The following MAOA variants were observed in gnomAD, a reference collection of about 807,000 sequenced individuals.
The protein encoded by MAOA is amine oxidase [flavin-containing] A.
MAOA carries 6 observed loss-of-function variants against 42.0 expected under a neutral mutation model. The observed-to-expected ratio is 0.14, with a 90% CI of 0.08 to 0.28. MAOA has a LOEUF of 0.28. MAOA is among the 10% of genes least tolerant of loss of function. MAOA has a pLI of 1.00. For missense variants in MAOA, 262 were observed against 422.3 expected, an observed-to-expected ratio of 0.62 and a Z score of 3.33; for synonymous variants, 140 against 154.0, an observed-to-expected ratio of 0.91 and a Z score of 0.67.
Position 43,744,348 on chromosome X carries a change from TCTGTGTTC to T in MAOA, c.1438-16_1438-9del. 1 of 1,210,770 alleles carries T rather than the reference TCTGTGTTC, an allele frequency of 8.3e-7. No individual in the cohort carries two copies. The highest frequency in any genetic ancestry group is 1.1e-6 in the Non-Finnish European group (1 of 894,705). ...GTCAGCATGAGTTTTTTGCTCATGA[TCTGTGTTC>T]CTTCATCTAGGACGTTCCAGCGGTA... On this transcript the variant is annotated splice_polypyrimidine_tract_variant and intron_variant, in intron 14 of 14. Coordinates refer to ENST00000338702, the MANE Select transcript of MAOA (RefSeq NM_000240.4).
intron 1 of MAOA, among the ~76,000 whole-genome samples, chrX:43,682,410 G>A (rs1379831210): frequency 9.0e-6 from 1 of 111,680 alleles, no homozygotes; most frequent in African/African-American, 3.3e-5. Flanking sequence ...CAAAATGATA[G>A]GGGCATGTCA....
chrX:43,686,381 G>T (rs2033487357), intron 2 of MAOA, among the ~76,000 whole-genome samples: 1 of 112,262 alleles, frequency 8.9e-6, no homozygotes, highest in Non-Finnish European at 1.9e-5. Flanking sequence ...AACTGTTATT[G>T]TCTATTCAGC....
At chrX:43,667,433 G>A (rs1168179784) in intron 1 of MAOA, among the ~76,000 whole-genome samples, 1 of 111,195 alleles carries the variant, frequency 9.0e-6, no homozygotes, top group African/African-American at 3.3e-5. Context: ...TTATTTGATG[G>A]GTGAATAGAT....
intron 10 of MAOA, among the ~76,000 whole-genome samples, chrX:43,737,568 G>A (rs2033929033): frequency 9.0e-6 from 1 of 111,530 alleles, no homozygotes; most frequent in Non-Finnish European, 1.9e-5. Flanking sequence ...AAAAAGTGAT[G>A]AAGGTGGTAT....
chrX:43,671,795 G>T (rs1311073218), intron 1 of MAOA, among the ~76,000 whole-genome samples: 1 of 100,021 alleles, frequency 1.0e-5, no homozygotes, highest in African/African-American at 3.7e-5. Context: ...CTGTTCCATT[G>T]ATCTATATCT....
intron 5 of MAOA, among the ~76,000 whole-genome samples, chrX:43,727,897 G>A (rs1019571844): frequency 5.4e-5 from 6 of 112,043 alleles, no homozygotes; most frequent in South Asian, 3.7e-4. Context: ...CACCTTCTGC[G>A]CGGATCTCAC....
At chrX:43,663,161 C>T (rs147870504) in intron 1 of MAOA, among the ~76,000 whole-genome samples, 2 of 111,151 alleles carry the variant, frequency 1.8e-5, no homozygotes, top group African/African-American at 6.5e-5. Flanking sequence ...CCCTCCTCAA[C>T]GTTTTTTTCT....
At chrX:43,669,040 G>A (rs1248815033) in intron 1 of MAOA, among the ~76,000 whole-genome samples, 1 of 110,742 alleles carries the variant, frequency 9.0e-6, no homozygotes, top group African/African-American at 3.3e-5. Context: ...TTGTTGAGTT[G>A]ATGTTGCTCT....
intron 1 of MAOA, among the ~76,000 whole-genome samples, chrX:43,664,489 G>A (rs1425197113): frequency 9.0e-6 from 1 of 111,444 alleles, no homozygotes; most frequent in Non-Finnish European, 1.9e-5. Flanking sequence ...ACAGAGGAGG[G>A]AGGAGTTAAT....
intron 1 of MAOA, among the ~76,000 whole-genome samples, chrX:43,675,828 T>G (rs1205653927): frequency 2.2e-4 from 24 of 111,543 alleles, no homozygotes; most frequent in Non-Finnish European, 3.8e-4. Flanking sequence ...GTACCCGGCC[T>G]TGTGAGGTGT....
At chrX:43,735,071 T>G (rs2033910091) in intron 9 of MAOA, among the ~76,000 whole-genome samples, 2 of 111,908 alleles carry the variant, frequency 1.8e-5, no homozygotes, top group Non-Finnish European at 1.9e-5. Context: ...TCCTAAATAG[T>G]CCACAGCTTT....
At chrX:43,682,721 A>C (rs910751919) in intron 1 of MAOA, among the ~76,000 whole-genome samples, 1 of 111,587 alleles carries the variant, frequency 9.0e-6, no homozygotes, top group African/African-American at 3.3e-5. Flanking sequence ...TTAAGATGGG[A>C]AAAAGAATAA....
intron 1 of MAOA, among the ~76,000 whole-genome samples, chrX:43,665,614 A>G (rs953553430): frequency 8.9e-6 from 1 of 111,842 alleles, no homozygotes; most frequent in African/African-American, 3.2e-5. Context: ...TAATCAAATA[A>G]ATTAGGACTG....
intron 3 of MAOA, among the ~76,000 whole-genome samples, chrX:43,707,332 T>C (rs1381580638): frequency 1.8e-5 from 2 of 111,264 alleles, no homozygotes; most frequent in African/African-American, 3.3e-5. Flanking sequence ...TAAAAGGAGC[T>C]CATTGGTGAC....
At chrX:43,727,870 G>A (rs2033852030) in intron 5 of MAOA, among the ~76,000 whole-genome samples, 1 of 111,925 alleles carries the variant, frequency 8.9e-6, no homozygotes, top group Non-Finnish European at 1.9e-5. Context: ...ACCTCAGTTG[G>A]AAACACAGAA....
intron 3 of MAOA, among the ~76,000 whole-genome samples, chrX:43,704,324 G>A (rs1165359356): frequency 8.9e-6 from 1 of 111,745 alleles, no homozygotes. Context: ...TGAAAGGTTA[G>A]TTTAATATAC....
chrX:43,685,906 T>G (rs1399517890), intron 2 of MAOA, among the ~76,000 whole-genome samples: 1 of 112,077 alleles, frequency 8.9e-6, no homozygotes, highest in African/African-American at 3.2e-5. Flanking sequence ...GTGAGGAGAC[T>G]GGGATTCTAG....
chrX:43,693,194 T>C (rs2033549977), intron 2 of MAOA, 97 bp from the exon 3 acceptor site: 4 of 883,086 alleles, frequency 4.5e-6, no homozygotes, highest in South Asian at 4.2e-5. Flanking sequence ...TAAGGCACAA[T>C]TAACTTTTAA....
chrX:43,656,246 C>A, upstream of MAOA: 1 of 785,783 alleles, frequency 1.3e-6, no homozygotes, highest in Admixed American at 2.5e-5. Context: ...ATCGGCTCCG[C>A]CCCCGGGCTC....
Sources: allele counts gnomAD v4.1 joint callset (sites outside exome capture counted in the v4.1 genomes callset), GRCh38; gene constraint gnomAD v4.1.1; transcripts MANE v1.5; gene names NCBI Gene and HGNC (gene_info 2026-07-23, HGNC 2026-07-21).